The following MDGA2 variants were observed in gnomAD, a reference collection of about 807,000 sequenced individuals.
The protein encoded by MDGA2 is MAM domain-containing glycosylphosphatidylinositol anchor protein 2.
Under a neutral mutation model 117.8 loss-of-function variants are expected in MDGA2, and 40 were observed. The observed-to-expected ratio is 0.34, with a 90% confidence interval of 0.26 to 0.44. MDGA2 has a LOEUF of 0.44. Ranked by LOEUF, MDGA2 falls within the 20% of genes least tolerant of loss-of-function variation. MDGA2 has a pLI of 1.00. For missense variants in MDGA2, 1,123 were observed against 1,250.6 expected (o/e 0.90, Z 1.54); for synonymous variants, 452 against 439.0 (o/e 1.03, Z -0.37).
intron 1 of MDGA2, among the ~76,000 whole-genome samples, chr14:47,308,027 A>G (rs1447750305): frequency 1.3e-5 from 2 of 152,190 alleles, no homozygotes; most frequent in Non-Finnish European, 2.9e-5. Flanking sequence ...AGCCGAGCAC[A>G]GTGGACTGTC....
intron 1 of MDGA2, among the ~76,000 whole-genome samples, chr14:47,581,454 T>G (rs1896226153): frequency 6.6e-6 from 1 of 151,962 alleles, no homozygotes; most frequent in Admixed American, 6.6e-5. Context: ...AAGAATCAAA[T>G]AATCTGGGGG....
chr14:47,471,405 A>G (rs1893726142), intron 1 of MDGA2, among the ~76,000 whole-genome samples: 1 of 152,006 alleles, frequency 6.6e-6, no homozygotes, highest in African/African-American at 2.4e-5. Flanking sequence ...CTAGTTACAC[A>G]TGTTTTAAAA....
chr14:47,133,214 G>C (rs1882294488), intron 4 of MDGA2, among the ~76,000 whole-genome samples: 1 of 151,610 alleles, frequency 6.6e-6, no homozygotes, highest in African/African-American at 2.4e-5. Flanking sequence ...TCCGATACAA[G>C]TATACACATA....
At chr14:47,273,277 C>T (rs769798899) in intron 2 of MDGA2, among the ~76,000 whole-genome samples, 5 of 152,074 alleles carry the variant, frequency 3.3e-5, no homozygotes, top group Non-Finnish European at 7.4e-5. Context: ...AAATTATATT[C>T]TGATATTATT....
At chr14:46,889,662 T>C (rs890814761) in intron 10 of MDGA2, among the ~76,000 whole-genome samples, 12 of 152,098 alleles carry the variant, frequency 7.9e-5, no homozygotes, top group Non-Finnish European at 1.5e-4. Flanking sequence ...GAGCCTAACA[T>C]CATTATCTTT....
chr14:46,955,096 T>C (rs888891200), intron 9 of MDGA2, among the ~76,000 whole-genome samples: 5 of 152,180 alleles, frequency 3.3e-5, no homozygotes, highest in Admixed American at 3.3e-4. Flanking sequence ...CAGAGTTAAA[T>C]ATTGAGACAT....
chr14:47,184,843 T>C (rs980121549), intron 3 of MDGA2, among the ~76,000 whole-genome samples: 2 of 151,634 alleles, frequency 1.3e-5, no homozygotes, highest in African/African-American at 2.4e-5. Context: ...CACTGATTAA[T>C]GTTTAACATA....
At chr14:46,981,171 A>AG (rs58347137) in intron 8 of MDGA2, among the ~76,000 whole-genome samples, 14,822 of 150,976 alleles carry the variant, frequency 0.098, 966 homozygotes, top group African/African-American at 0.18. Flanking sequence ...TGGGAGGCCA[A>AG]GGGGGGGGCG....
At chr14:47,287,866 C>T (rs957447315) in intron 2 of MDGA2, among the ~76,000 whole-genome samples, 1 of 151,972 alleles carries the variant, frequency 6.6e-6, no homozygotes, top group African/African-American at 2.4e-5. Flanking sequence ...AAGAGGAAAA[C>T]CCCATGTGAA....
intron 1 of MDGA2, among the ~76,000 whole-genome samples, chr14:47,565,516 G>A (rs1895900091): frequency 6.6e-6 from 1 of 152,164 alleles, no homozygotes; most frequent in Admixed American, 6.6e-5. Flanking sequence ...TGGAGGGGCC[G>A]AGTGAGTCCG....
chr14:46,971,552 AG>A (rs1886265414), intron 8 of MDGA2, among the ~76,000 whole-genome samples: 1 of 152,106 alleles, frequency 6.6e-6, no homozygotes, highest in Non-Finnish European at 1.5e-5. Flanking sequence ...GAGGCTTGGA[AG>A]GTGTATGGGT....
chr14:47,139,783 A>AAT (rs1343155498), intron 4 of MDGA2, among the ~76,000 whole-genome samples: 1 of 123,350 alleles, frequency 8.1e-6, no homozygotes, highest in African/African-American at 3.1e-5. Context: ...TATACACACA[A>AAT]ATATATATGT....
At chr14:47,582,140 T>C (rs192711055) in intron 1 of MDGA2, among the ~76,000 whole-genome samples, 1 of 152,060 alleles carries the variant, frequency 6.6e-6, no homozygotes, top group Admixed American at 6.6e-5. Flanking sequence ...TATGGTGTTG[T>C]TGTTTTTTCA....
chr14:47,333,116 AG>A (rs34454100), intron 1 of MDGA2, among the ~76,000 whole-genome samples: 13,820 of 151,974 alleles, frequency 0.091, 700 homozygotes, highest in Middle Eastern at 0.13. Context: ...TACCAAATGC[AG>A]GTAACTTTTT....
chr14:46,927,561 TAAC>T (rs1462240869), intron 9 of MDGA2, among the ~76,000 whole-genome samples: 3 of 152,268 alleles, frequency 2.0e-5, no homozygotes, highest in Non-Finnish European at 2.9e-5. Context: ...AATAAAAACA[TAAC>T]AACTAATTAA....
rs1345943342 is a variant in MDGA2, at chr14:47,461,010, T to A, written c.281-159460A>T. Among the ~76,000 whole-genome samples the A allele has an allele frequency of 2.6e-5, 4 of 152,208 alleles. No individual in the cohort carries two copies. The East Asian group carries it at 7.7e-4, about 29-fold the overall frequency. ...GGAATTCCTTTCAGTTTGATTTTTTTAAAAGAATATCTTCAAATATTGTTT... is the reference window on the plus strand; with the variant it reads ...GGAATTCCTTTCAGTTTGATTTTTTAAAAAGAATATCTTCAAATATTGTTT... On this transcript the variant is annotated intron_variant, in intron 1 of 16. Transcript: ENST00000399232.
intron 1 of MDGA2, chr14:47,626,542 A>C (rs930407472): frequency 3.3e-5 from 5 of 152,572 alleles, no homozygotes; most frequent in Non-Finnish European, 5.9e-5. Flanking sequence ...CTCAGCTTGC[A>C]GGGAGGTGCC....
intron 1 of MDGA2, among the ~76,000 whole-genome samples, chr14:47,354,211 GA>G (rs1402684836): frequency 6.6e-6 from 1 of 152,114 alleles, no homozygotes; most frequent in East Asian, 1.9e-4. Context: ...GTGAATATTT[GA>G]AAATTTTTCT....
At chr14:47,353,911 T>A (rs984478730) in intron 1 of MDGA2, among the ~76,000 whole-genome samples, 2 of 152,142 alleles carry the variant, frequency 1.3e-5, no homozygotes, top group Non-Finnish European at 1.5e-5. Context: ...CTCAACAGAA[T>A]ACTAGCAAAT....
Sources: allele counts gnomAD v4.1 joint callset (sites outside exome capture counted in the v4.1 genomes callset), GRCh38; gene constraint gnomAD v4.1.1; transcripts MANE v1.5; gene names NCBI Gene and HGNC (gene_info 2026-07-23, HGNC 2026-07-21).